Variants in ZC3H7B observed in about 807,000 individuals in gnomAD.
ZC3H7B encodes zinc finger CCCH-type containing 7B.
A neutral mutation model predicts 116.0 loss-of-function variants in ZC3H7B; 35 were observed. That is an observed-to-expected ratio of 0.30 (90% CI 0.23 to 0.40). The LOEUF (loss-of-function observed/expected upper bound fraction) is 0.40. ZC3H7B is among the 10% of genes least tolerant of loss of function. The pLI, the probability that ZC3H7B is intolerant of heterozygous loss-of-function variation, is 1.00. For missense variants in ZC3H7B, 1,011 were observed against 1,321.5 expected, an observed-to-expected ratio of 0.77 and a Z score of 3.64; for synonymous variants, 502 against 545.6, an observed-to-expected ratio of 0.92 and a Z score of 1.11.
intron 2 of ZC3H7B, among the ~76,000 whole-genome samples, chr22:41,322,060 C>A (rs1304001427): frequency 6.7e-6 from 1 of 149,192 alleles, no homozygotes; most frequent in Non-Finnish European, 1.5e-5. Context: ...GGGATGGTCT[C>A]GATCTCCTGA....
At position 41,338,249 on chromosome 22, in the gene ZC3H7B, T is replaced by TGGTGCTG; in HGVS notation, c.583-54_583-48dup. The TGGTGCTG allele has an allele frequency of 1.3e-6, 2 of 1,555,734 alleles. No individual in the cohort carries two copies. The highest frequency in any genetic ancestry group is 1.8e-5 in the Admixed American group (1 of 55,686). Reference sequence around the variant, plus strand: ...ACAGCATAGTCACGTGGGGAGGGGCTGGTGCTGGGTGCTGGGATCGGGGCC... The same window carrying TGGTGCTG: ...ACAGCATAGTCACGTGGGGAGGGGCTGGTGCTGGGTGCTGGGTGCTGGGATCGGGGCC... On this transcript the variant is annotated intron_variant, in intron 7 of 22. Coordinates refer to ENST00000352645, the MANE Select transcript of ZC3H7B (RefSeq NM_017590.6). The surrounding 1 kb of genome is among the most constrained non-coding windows in gnomAD (Gnocchi z 4.5).
chr22:41,331,790 G>A (rs1205851079), intron 6 of ZC3H7B, among the ~76,000 whole-genome samples: 1 of 152,126 alleles, frequency 6.6e-6, no homozygotes, highest in East Asian at 1.9e-4. Context: ...AGGATCACAT[G>A]AACCCCAGAG....
rs534822834 is a variant in ZC3H7B, at chr22:41,338,648, C to G, written c.625+293C>G. Among the ~76,000 whole-genome samples the G allele has an allele frequency of 7.2e-5, 11 of 152,310 alleles. No individual in the cohort carries two copies. The South Asian group carries it at 2.1e-3, about 29-fold the overall frequency. Reference sequence around the variant, plus strand: ...ACCCCCACCTCTTCCAAAGCCCTTTCCCCTCCTCTTCCTCATTGGCTTCCA... The same window carrying G: ...ACCCCCACCTCTTCCAAAGCCCTTTGCCCTCCTCTTCCTCATTGGCTTCCA... On this transcript the variant is annotated intron_variant, in intron 8 of 22. Coordinates refer to ENST00000352645, the MANE Select transcript of ZC3H7B (RefSeq NM_017590.6). The surrounding 1 kb of genome is among the most constrained non-coding windows in gnomAD (Gnocchi z 4.5).
rs774431765 is a variant in ZC3H7B at position 41,325,640 on chromosome 22, A to T, written c.87+43A>T. 1.5e-5 allele frequency: 24 copies of T among 1,609,922 alleles called. No individual in the cohort carries two copies. The African/African-American group carries it at 2.8e-4, about 19-fold the overall frequency. On this transcript the variant is annotated intron_variant, in intron 3 of 22. Coordinates refer to ENST00000352645, the MANE Select transcript of ZC3H7B (RefSeq NM_017590.6). ...GGCTGAGCAAAGGTGAAGGGCGGAGATGTGCAGGGGAGAGGCGTGGGCCGG... is the reference window on the plus strand; with the variant it reads ...GGCTGAGCAAAGGTGAAGGGCGGAGTTGTGCAGGGGAGAGGCGTGGGCCGG...
Position 41,338,394 on chromosome 22 carries a change from G to T in ZC3H7B, c.625+39G>T, listed in dbSNP as rs760077286. On this transcript the variant is annotated intron_variant, in intron 8 of 22. Transcript: ENST00000352645. The surrounding 1 kb of genome is among the most constrained non-coding windows in gnomAD (Gnocchi z 4.5). ...TACGAGGGAACAAGTGGAAATTGGG[G>T]CCCCGAGAGGTCAGGGGAGTCGAGC... 5 of 1,608,086 alleles carry T rather than the reference G, an allele frequency of 3.1e-6. 1 individual carries two copies. The South Asian group carries it at 5.6e-5, about 18-fold the overall frequency.
At position 41,339,824 on chromosome 22, in the gene ZC3H7B, C is replaced by T; in HGVS notation, c.825C>T (p.Val275=). 6.3e-7 allele frequency: 1 copy of T among 1,598,000 alleles called. No homozygotes were observed. The highest frequency in any genetic ancestry group is 8.5e-7 in the Non-Finnish European group (1 of 1,169,842). ...LDTLLDSLSL[V]QGGLSGSGVP... ...CTGTCCCTGCCTCATAGTCTCTGGTCCAGGGTGGCCTGTCTGGCAGCGGCG... is the reference window on the plus strand; with the variant it reads ...CTGTCCCTGCCTCATAGTCTCTGGTTCAGGGTGGCCTGTCTGGCAGCGGCG... The change falls in exon 10 of 23, where the codon GTC becomes GTT. Residue 275 remains valine (V), a synonymous_variant. Coordinates refer to ENST00000352645, the MANE Select transcript of ZC3H7B (RefSeq NM_017590.6).
intron 2 of ZC3H7B, among the ~76,000 whole-genome samples, chr22:41,324,932 C>T (rs1217894113): frequency 1.3e-5 from 2 of 152,168 alleles, no homozygotes; most frequent in Non-Finnish European, 2.9e-5. Context: ...CTGCAGCAGC[C>T]CCTGCACCAT....
At chr22:41,355,381 C>A in intron 17 of ZC3H7B, 88 bp from the exon 18 acceptor site, 2 of 1,539,342 alleles carry the variant, frequency 1.3e-6, no homozygotes, top group Admixed American at 1.9e-5. Flanking sequence ...TATTCCAAGG[C>A]TCTCCCAGAG....
At chr22:41,304,215 GTTTCTTTC>G (rs901462896) in intron 1 of ZC3H7B, among the ~76,000 whole-genome samples, 2 of 151,678 alleles carry the variant, frequency 1.3e-5, no homozygotes, top group East Asian at 3.9e-4. Flanking sequence ...GCTGCTGCAA[GTTTCTTTC>G]TTTCTTTCTT....
rs774683215 is a variant in ZC3H7B, at chr22:41,357,406, G to A, written c.2911G>A (p.Ala971Thr). ...CACCCCAGAAGCCCCTGCTGCTGCT[G>A]CCACCGCCACCACTGGGGAGTAGGG... is the stretch of plus-strand genomic sequence containing the variant. ...GATPEAPAAA[A>T]TATTGE The change falls in exon 23 of 23, where the codon GCC (alanine) becomes ACC (threonine). Residue 971 changes from alanine (A) to threonine (T), a missense_variant. By Grantham distance (58) the Ala-to-Thr change is moderately conservative (BLOSUM62 0). Transcript: ENST00000352645. The surrounding 1 kb of genome is among the most constrained non-coding windows in gnomAD (Gnocchi z 5.4). The A allele has an allele frequency of 7.0e-6, 11 of 1,581,784 alleles. No individual in the cohort carries two copies. The South Asian group carries it at 1.2e-4, about 17-fold the overall frequency.
chr22:41,357,830 GTCC>G lies in ZC3H7B; in HGVS notation c.*408_*410del. On this transcript the variant is annotated 3_prime_UTR_variant, in exon 23 of 23. Transcript: ENST00000352645. The surrounding 1 kb of genome is among the most constrained non-coding windows in gnomAD (Gnocchi z 5.4). ...AGGAGGGTCCTTCTCTCCCTGGCCC[GTCC>G]TCCTCCCACCCCCTCCCCCTGGGGG... 1 of 245,978 alleles carries G rather than the reference GTCC, an allele frequency of 4.1e-6. No individual in the cohort carries two copies. Among genetic ancestry groups the G allele is most frequent in the South Asian group, 6.4e-5 (1 of 15,592 alleles). 15.2% of individuals were successfully genotyped at this position (245,978 alleles called of 1,614,324 possible).
intron 14 of ZC3H7B, 85 bp from the exon 15 acceptor site, chr22:41,347,982 C>T (rs977940784): frequency 2.5e-6 from 3 of 1,188,046 alleles, no homozygotes; most frequent in Non-Finnish European, 3.8e-6. Context: ...CCCAGCTGTC[C>T]TTCCCCAGCT....
chr22:41,322,061 G>A (rs906735455), intron 2 of ZC3H7B, among the ~76,000 whole-genome samples: 2 of 150,028 alleles, frequency 1.3e-5, no homozygotes, highest in East Asian at 4.0e-4. Context: ...GGATGGTCTC[G>A]ATCTCCTGAC....
At chr22:41,325,448 G>C (rs903688154) in intron 2 of ZC3H7B, 116 bp from the exon 3 acceptor site, 32 of 1,389,550 alleles carry the variant, frequency 2.3e-5, no homozygotes, top group East Asian at 7.4e-5. Context: ...ACCGCAGTCT[G>C]TTCACCCTAG....
At chr22:41,345,638 A>T (rs753971279) in intron 13 of ZC3H7B, among the ~76,000 whole-genome samples, 4 of 152,192 alleles carry the variant, frequency 2.6e-5, no homozygotes, top group Admixed American at 1.3e-4. Context: ...CTACAAAAGC[A>T]ATCCTGTGGG....
chr22:41,336,401 C>T (rs1405904134), intron 7 of ZC3H7B: 5 of 152,192 alleles, frequency 3.3e-5, no homozygotes, highest in East Asian at 1.9e-4. Context: ...CGGTGGCTCA[C>T]ACCTATAATC....
At chr22:41,335,154 A>G (rs1445985292) in intron 7 of ZC3H7B, 3 of 152,250 alleles carry the variant, frequency 2.0e-5, no homozygotes, top group Admixed American at 1.3e-4. Flanking sequence ...AGTTCCTCCT[A>G]TGGGGCTCGG....
Position 41,346,270 on chromosome 22 carries a change from C to G in ZC3H7B, c.1665+62C>G. On this transcript the variant is annotated intron_variant, in intron 14 of 22. Transcript: ENST00000352645. The surrounding 1 kb of genome is among the most constrained non-coding windows in gnomAD (Gnocchi z 5.3). ...TGGCACAGACAGGGCTGGGGATGCT[C>G]CCTGGCACGGACCACCATAGGAAGT... 1 of 1,564,370 alleles carries G rather than the reference C, an allele frequency of 6.4e-7. No individual in the cohort carries two copies.
At chr22:41,322,335 C>A (rs1348708987) in intron 2 of ZC3H7B, among the ~76,000 whole-genome samples, 1 of 151,564 alleles carries the variant, frequency 6.6e-6, no homozygotes, top group African/African-American at 2.4e-5. Flanking sequence ...TTACAGGCGC[C>A]TGCCACCACA....
Sources: allele counts gnomAD v4.1 joint callset (sites outside exome capture counted in the v4.1 genomes callset), GRCh38; gene constraint gnomAD v4.1.1; non-coding constraint Gnocchi (gnomAD v3.1); transcripts MANE v1.5; gene names NCBI Gene and HGNC (gene_info 2026-07-23, HGNC 2026-07-21).